The following CRYBG1 variants were observed in gnomAD, a reference collection of about 807,000 sequenced individuals.
CRYBG1 encodes crystallin beta-gamma domain containing 1, also known as beta/gamma crystallin domain-containing protein 1.
In CRYBG1, 139 loss-of-function variants were observed where a neutral mutation model predicts 189.2. That is an observed-to-expected ratio of 0.73 (90% CI 0.64 to 0.85). The LOEUF is 0.85. Ranked by LOEUF, CRYBG1 falls within the 40% of genes least tolerant of loss-of-function variation. The probability of loss-of-function intolerance (pLI) is 0.00; values close to 1 mark genes in which losing one functional copy is unlikely to be tolerated. For synonymous variants in CRYBG1, 1,023 were observed against 1,017.1 expected, an observed-to-expected ratio of 1.01 and a Z score of -0.11; for missense variants, 2,611 against 2,675.8, an observed-to-expected ratio of 0.98 and a Z score of 0.53.
At chr6:106,531,070 A>G (rs1773867317) in intron 8 of CRYBG1, among the ~76,000 whole-genome samples, 1 of 152,232 alleles carries the variant, frequency 6.6e-6, no homozygotes, top group Non-Finnish European at 1.5e-5. Context: ...AAATGTTTTT[A>G]CTAATGGTTT....
At position 106,525,159 on chromosome 6, in the gene CRYBG1, A is replaced by C; in HGVS notation, c.4272A>C (p.Lys1424Asn). The change falls in exon 5 of 22, where the codon AAA becomes AAC. Residue 1424 changes from lysine to asparagine, a missense_variant. Transcript: ENST00000633556. Reference sequence around the variant, plus strand: ...CACTTAGAGGAAGTGTCCAAAATAAACTCAATCCCCGACCTGGAAAGGTAA... The same window carrying C: ...CACTTAGAGGAAGTGTCCAAAATAACCTCAATCCCCGACCTGGAAAGGTAA... The part of the protein sequence containing the change: ...TMTLRGSVQN[K>N]LNPRPGKVVI... 6.2e-7 allele frequency: 1 copy of C among 1,614,114 alleles called. No homozygotes were observed.
At chr6:106,564,945 T>C (rs536636547) in intron 21 of CRYBG1, among the ~76,000 whole-genome samples, 187 of 152,350 alleles carry the variant, frequency 1.2e-3, no homozygotes, top group African/African-American at 4.0e-3. Flanking sequence ...TTACATACTC[T>C]ATTTTAAATC....
chr6:106,512,492 GA>G lies in CRYBG1; in HGVS notation c.1376del (p.Asp459ValfsTer9). On this transcript the variant is annotated frameshift_variant, in exon 3 of 22. Transcript: ENST00000633556. LOFTEE classifies it high-confidence loss of function. ...CGAGGTGGCGCCAAACGCGGCCAGC[GA>G]TAACGCCTCGGCGGAAAAGAAAGTG... ...DDEVAPNAAS[D>X]NASAEKKVKS... is the part of the protein sequence containing the mutation. 1 of 1,611,416 alleles carries G rather than the reference GA, an allele frequency of 6.2e-7. No individual in the cohort carries two copies.
chr6:106,556,571 A>G (rs1004356007), intron 17 of CRYBG1, among the ~76,000 whole-genome samples: 2 of 152,156 alleles, frequency 1.3e-5, no homozygotes, highest in African/African-American at 2.4e-5. Flanking sequence ...CCTCTTTTGG[A>G]CAGAAGTCTT....
At chr6:106,500,852 G>T (rs1772992624) in intron 2 of CRYBG1, among the ~76,000 whole-genome samples, 1 of 152,128 alleles carries the variant, frequency 6.6e-6, no homozygotes, top group Admixed American at 6.5e-5. Context: ...AGATTTTGGG[G>T]AGTCATTTGA....
At chr6:106,449,920 C>T (rs1218221002) in intron 1 of CRYBG1, among the ~76,000 whole-genome samples, 3 of 152,146 alleles carry the variant, frequency 2.0e-5, no homozygotes, top group Non-Finnish European at 4.4e-5. Flanking sequence ...ACAATAGTGA[C>T]TTTTTAAAAA....
In CRYBG1 at chr6:106,472,792, T is replaced by C. The variant is rs574040728; in HGVS notation, c.312+20960T>C. ...GGTGGCACGTGCCTGTAGTCCCAGC[T>C]ACTCGGGAAGCTGAAGTGAGAGAAT... On this transcript the variant is annotated intron_variant, in intron 2 of 21. Transcript: ENST00000633556. 2.5e-3 allele frequency among the ~76,000 whole-genome samples: 371 copies of C among 151,406 alleles called. 1 individual carries two copies. The highest frequency in any genetic ancestry group is 8.3e-3 in the African/African-American group (344 of 41,278).
At chr6:106,502,435 T>G (rs1205299865) in intron 2 of CRYBG1, among the ~76,000 whole-genome samples, 1 of 152,230 alleles carries the variant, frequency 6.6e-6, no homozygotes, top group African/African-American at 2.4e-5. Context: ...GTCAGTAATT[T>G]GATTATGTTA....
rs141256151 is a variant in CRYBG1, at chr6:106,520,558, G to A, written c.3350G>A (p.Ser1117Asn). ...ACTGAAATTATAAAACAGATGGATA[G>A]CGCAGTTTGTATGCCCATGAAAAGA... The part of the protein sequence containing the change: ...KFTEIIKQMD[S>N]AVCMPMKRKK... The change falls in exon 4 of 22, where the codon AGC becomes AAC. Residue 1117 changes from serine to asparagine, a missense_variant. Ser to Asn is a conservative substitution (Grantham distance 46). Coordinates refer to ENST00000633556, the MANE Select transcript of CRYBG1 (RefSeq NM_001371242.2). 1.2e-5 allele frequency: 19 copies of A among 1,614,120 alleles called. No homozygotes were observed. The African/African-American group carries it at 2.5e-4, about 22-fold the overall frequency.
chr6:106,402,902 C>T (rs1384013683), intron 1 of CRYBG1, among the ~76,000 whole-genome samples: 1 of 152,190 alleles, frequency 6.6e-6, no homozygotes, highest in African/African-American at 2.4e-5. Context: ...GATGGCATGG[C>T]ACATGCTGGA....
chr6:106,363,811 C>G (rs192496983), intron 1 of CRYBG1, among the ~76,000 whole-genome samples: 2 of 152,250 alleles, frequency 1.3e-5, no homozygotes, highest in African/African-American at 4.8e-5. Flanking sequence ...AGGATGCTGA[C>G]TCTGTAGGGT....
rs1479533908 is a variant in CRYBG1 at position 106,360,718 on chromosome 6, G to A, written c.-191G>A. The A allele has an allele frequency of 1.5e-5, 9 of 594,254 alleles. 1 individual carries two copies. The highest frequency in any genetic ancestry group is 2.6e-5 in the South Asian group (1 of 38,770). 36.8% of individuals were successfully genotyped at this position (594,254 alleles called of 1,614,324 possible). A position where few individuals can be genotyped will look rare whatever the true frequency, so the allele number is the denominator to read the frequency against. ...CTCCGCCCCAACAGCTCGGGCTGCA[G>A]TGCTGCTCGCGCTGCGCTGGGTGCT... On this transcript the variant is annotated 5_prime_UTR_variant, in exon 1 of 22. It adds an upstream start codon to the 5' untranslated region. Coordinates refer to ENST00000633556, the MANE Select transcript of CRYBG1 (RefSeq NM_001371242.2).
chr6:106,545,688 T>TC (rs1242088408), intron 13 of CRYBG1, among the ~76,000 whole-genome samples: 1 of 23,540 alleles, frequency 4.2e-5, no homozygotes, highest in African/African-American at 6.1e-5. Flanking sequence ...CTCCTAACTC[T>TC]TTTTTTTTGA....
At chr6:106,384,770 A>C (rs9398083) in intron 1 of CRYBG1, among the ~76,000 whole-genome samples, 39,486 of 150,072 alleles carry the variant, frequency 0.26, 5,454 homozygotes, top group Middle Eastern at 0.33. Flanking sequence ...AGGCCACCCT[A>C]ATTTGTGATC....
intron 8 of CRYBG1, among the ~76,000 whole-genome samples, chr6:106,537,838 T>A (rs1774040064): frequency 6.6e-6 from 1 of 152,014 alleles, no homozygotes; most frequent in East Asian, 1.9e-4. Context: ...CATTCTTTCA[T>A]GTGTGTGTTG....
intron 1 of CRYBG1, among the ~76,000 whole-genome samples, chr6:106,392,838 G>A (rs1388360152): frequency 2.6e-5 from 4 of 151,998 alleles, no homozygotes; most frequent in South Asian, 2.1e-4. Flanking sequence ...GCAGTGGCAC[G>A]ATCTCAGCTC....
At chr6:106,453,876 C>A (rs552488609) in intron 2 of CRYBG1, among the ~76,000 whole-genome samples, 17 of 152,126 alleles carry the variant, frequency 1.1e-4, no homozygotes, top group Non-Finnish European at 2.1e-4. Context: ...CTTGAAGCCG[C>A]AGATGAACTG....
intron 1 of CRYBG1, among the ~76,000 whole-genome samples, chr6:106,425,009 C>T (rs1322725367): frequency 6.6e-6 from 1 of 152,198 alleles, no homozygotes; most frequent in Non-Finnish European, 1.5e-5. Context: ...CTGTACCTCC[C>T]CTGAGGATGT....
chr6:106,450,002 C>T (rs1582769131), intron 1 of CRYBG1, among the ~76,000 whole-genome samples: 1 of 152,192 alleles, frequency 6.6e-6, no homozygotes. Flanking sequence ...AGGCAGGTGG[C>T]TCACTTAAGG....
Sources: gnomAD v4.1 joint callset for allele counts (sites outside exome capture counted in the v4.1 genomes callset) on GRCh38, gnomAD v4.1.1 for gene constraint, MANE v1.5 for transcripts, NCBI Gene and HGNC (gene_info 2026-07-23, HGNC 2026-07-21) for gene names.